SLCO4C1: variants seen among roughly 807,000 people sequenced by gnomAD.
SLCO4C1 encodes organic anion transporter M1.
A neutral mutation model predicts 72.1 loss-of-function variants in SLCO4C1; 58 were observed. That is an observed-to-expected ratio of 0.80 (90% CI 0.65 to 1.00). SLCO4C1 has a LOEUF of 1.00. Ranked by LOEUF, SLCO4C1 falls within the 50% of genes least tolerant of loss-of-function variation. SLCO4C1 has a pLI of 0.00. For missense variants in SLCO4C1, 898 were observed against 857.9 expected, an observed-to-expected ratio of 1.05 and a Z score of -0.58; for synonymous variants, 297 against 312.5, an observed-to-expected ratio of 0.95 and a Z score of 0.52.
intron 8 of SLCO4C1, among the ~76,000 whole-genome samples, chr5:102,253,142 C>T (rs1748772611): frequency 6.6e-6 from 1 of 152,036 alleles, no homozygotes; most frequent in South Asian, 2.1e-4. Flanking sequence ...TATGGTATTT[C>T]TATATTCTAT....
chr5:102,242,161 G>A (rs1052116105), intron 10 of SLCO4C1, among the ~76,000 whole-genome samples: 1 of 152,200 alleles, frequency 6.6e-6, no homozygotes, highest in Admixed American at 6.5e-5. Context: ...GCCCTGGCCA[G>A]AGGTTAATCT....
chr5:102,286,815 T>C (rs1327056838), intron 2 of SLCO4C1, among the ~76,000 whole-genome samples: 1 of 152,178 alleles, frequency 6.6e-6, no homozygotes, highest in Non-Finnish European at 1.5e-5. Context: ...AAGTCCACGC[T>C]GTTTCAAAAT....
At chr5:102,278,957 A>G (rs1003216312) in intron 2 of SLCO4C1, among the ~76,000 whole-genome samples, 2 of 151,666 alleles carry the variant, frequency 1.3e-5, no homozygotes, top group South Asian at 4.1e-4. Context: ...TAATAGAATA[A>G]ATTTAAAATA....
At chr5:102,288,627 T>G (rs1014685055) in intron 2 of SLCO4C1, among the ~76,000 whole-genome samples, 2 of 152,176 alleles carry the variant, frequency 1.3e-5, no homozygotes, top group Admixed American at 1.3e-4. Context: ...AATGCCTCCC[T>G]AGTGTCTACC....
intron 10 of SLCO4C1, among the ~76,000 whole-genome samples, chr5:102,244,386 G>C (rs1203739079): frequency 1.3e-5 from 2 of 152,088 alleles, no homozygotes; most frequent in Non-Finnish European, 2.9e-5. Flanking sequence ...CATGCCTACA[G>C]CATCTAGAAA....
At chr5:102,252,034 A>AAGAAGGAAGGGAGAAAAGCG (rs1409615921) in intron 8 of SLCO4C1, among the ~76,000 whole-genome samples, 2,666 of 150,746 alleles carry the variant, frequency 0.018, 92 homozygotes, top group African/African-American at 0.063. Context: ...AGGGAGAGGG[A>AAGAAGGAAGGGAGAAAAGCG]AGAAGGAAGG....
At chr5:102,263,537 A>G (rs1748980419) in intron 4 of SLCO4C1, 147 bp downstream of exon 4, 1 of 564,558 alleles carries the variant, frequency 1.8e-6, no homozygotes, top group Non-Finnish European at 3.1e-6. Flanking sequence ...ATAAGATATT[A>G]TATAAGAATT....
At chr5:102,237,439 C>CA (rs113559175) in intron 12 of SLCO4C1, among the ~76,000 whole-genome samples, 37,459 of 145,488 alleles carry the variant, frequency 0.26, 5,774 homozygotes, top group Non-Finnish European at 0.36. Flanking sequence ...CTGTCTCTAC[C>CA]AAAAAAAAAA....
rs1376082038 is a variant in SLCO4C1 at position 102,291,369 on chromosome 5, T to A, written c.593A>T (p.Glu198Val). ...TTCAAAAAGAGACCCCAATTTATAT[T>A]CTCCACTGAAAAATTGTGGCAATGA... ...VFSLPQFFSG[E>V]YKLGSLFEDT... The change falls in exon 2 of 13, where the codon GAA becomes GTA. Residue 198 changes from glutamate to valine, a missense_variant. By Grantham distance (121) the Glu-to-Val change is moderately radical. Coordinates refer to ENST00000310954, the MANE Select transcript of SLCO4C1 (RefSeq NM_180991.5). 6.2e-7 allele frequency: 1 copy of A among 1,613,670 alleles called. No homozygotes were observed. Among genetic ancestry groups the A allele is most frequent in the Non-Finnish European group, 8.5e-7 (1 of 1,179,958 alleles).
Position 102,257,102 on chromosome 5 carries a change from G to A in SLCO4C1, c.1469+13C>T. 1.3e-6 allele frequency: 2 copies of A among 1,504,880 alleles called. No homozygotes were observed. The highest frequency in any genetic ancestry group is 1.8e-6 in the Non-Finnish European group (2 of 1,125,338). The allele number at this position is 1,504,880 out of a possible 1,614,324, so 93.2% of individuals were successfully genotyped here. A position where few individuals can be genotyped will look rare whatever the true frequency, so the allele number is the denominator to read the frequency against. Reference sequence around the variant, plus strand: ...TCTGGTATTAATATCAAAAAGCACTGAATTGTATTTACCCATTATATGATT... The same window carrying A: ...TCTGGTATTAATATCAAAAAGCACTAAATTGTATTTACCCATTATATGATT... On this transcript the variant is annotated intron_variant, in intron 8 of 12. Transcript: ENST00000310954.
intron 10 of SLCO4C1, among the ~76,000 whole-genome samples, chr5:102,241,381 T>C (rs559769747): frequency 1.4e-4 from 22 of 152,226 alleles, no homozygotes; most frequent in African/African-American, 4.8e-4. Flanking sequence ...AAAAAAGCAC[T>C]ACAACTAGCA....
chr5:102,256,145 C>T (rs905637696), intron 8 of SLCO4C1, among the ~76,000 whole-genome samples: 3 of 151,862 alleles, frequency 2.0e-5, no homozygotes, highest in East Asian at 1.9e-4. Flanking sequence ...CAGATGTTGC[C>T]GTGAGCCAAG....
intron 2 of SLCO4C1, among the ~76,000 whole-genome samples, chr5:102,287,338 G>A (rs1432857379): frequency 6.6e-6 from 1 of 151,968 alleles, no homozygotes; most frequent in Admixed American, 6.6e-5. Flanking sequence ...GGGAAGAAAT[G>A]CTTGAAATTC....
chr5:102,285,252 C>CATAT (rs1427144202), intron 2 of SLCO4C1, among the ~76,000 whole-genome samples: 1 of 144,488 alleles, frequency 6.9e-6, no homozygotes, highest in African/African-American at 2.7e-5. Flanking sequence ...TATATACACA[C>CATAT]ATATATACAC....
Position 102,291,408 on chromosome 5 carries a change from C to G in SLCO4C1, c.554G>C (p.Gly185Ala). The G allele has an allele frequency of 1.9e-6, 3 of 1,614,108 alleles. 1 individual carries two copies. In the South Asian group the frequency reaches 3.3e-5, roughly 18 times the overall value. ...LAFAAFMIGL[G>A]ALVFSLPQFF... is the part of the protein sequence containing the mutation. The stretch of plus-strand genomic sequence containing the variant: ...TTGTGGCAATGAGAATACAAGTGCT[C>G]CCAGTCCAATCATAAAGGCTGCAAA... Residue 185 changes from glycine to alanine, a missense_variant, in exon 2 of 13, where the codon GGA (glycine) becomes GCA (alanine). Transcript: ENST00000310954.
intron 3 of SLCO4C1, among the ~76,000 whole-genome samples, chr5:102,270,140 C>A (rs185264865): frequency 1.3e-4 from 20 of 152,188 alleles, no homozygotes; most frequent in Admixed American, 1.3e-3. Flanking sequence ...GTCTAGTTAG[C>A]TTTACCTTGC....
chr5:102,262,720 A>G (rs535708624), intron 4 of SLCO4C1, among the ~76,000 whole-genome samples: 1 of 152,196 alleles, frequency 6.6e-6, no homozygotes, highest in East Asian at 1.9e-4. Flanking sequence ...TCATATTTTA[A>G]TACACTTTGG....
In SLCO4C1 at chr5:102,261,942, G is replaced by A. The variant is rs777946194; in HGVS notation, c.991C>T (p.Pro331Ser). 34 of 1,611,764 alleles carry A rather than the reference G, an allele frequency of 2.1e-5. No individual in the cohort carries two copies. Among genetic ancestry groups the A allele is most frequent in the Non-Finnish European group, 2.8e-5 (33 of 1,178,900 alleles). Residue 331 changes from proline to serine, a missense_variant, in exon 5 of 13, where the codon CCT (proline) becomes TCT (serine). Physicochemically the swap from Pro to Ser is moderately conservative, Grantham distance 74. Coordinates refer to ENST00000310954, the MANE Select transcript of SLCO4C1 (RefSeq NM_180991.5). ...AAATGTTTTGGAAAGCAAGAAAAAG[G>A]TATTATTAAAGACCAAGCAAAGATC... ...SWIFAWSLII[P>S]FSCFPKHLPG...
chr5:102,245,691 G>A (rs937414491), intron 10 of SLCO4C1, among the ~76,000 whole-genome samples: 5 of 152,068 alleles, frequency 3.3e-5, no homozygotes, highest in African/African-American at 1.2e-4. Flanking sequence ...AGACCAAATG[G>A]ATCTAATAGA....
Sources: allele counts gnomAD v4.1 joint callset (sites outside exome capture counted in the v4.1 genomes callset), GRCh38; gene constraint gnomAD v4.1.1; transcripts MANE v1.5; gene names NCBI Gene and HGNC (gene_info 2026-07-23, HGNC 2026-07-21).